ASXL2: variants seen among roughly 807,000 people sequenced by gnomAD.
ASXL2 encodes the protein ASXL transcriptional regulator 2, also known as putative Polycomb group protein ASXL2.
Under a neutral mutation model 122.0 loss-of-function variants are expected in ASXL2, and 23 were observed. The ratio of observed to expected loss-of-function variants is 0.19; its 90% CI spans 0.14 to 0.27. The LOEUF (loss-of-function observed/expected upper bound fraction) is 0.27. ASXL2 is among the 10% of genes least tolerant of loss of function. The pLI, the probability that ASXL2 is intolerant of heterozygous loss-of-function variation, is 1.00. For missense variants in ASXL2, 1,518 were observed against 1,713.8 expected (o/e 0.89, Z 2.02); for synonymous variants, 650 against 637.0 (o/e 1.02, Z -0.31).
At chr2:25,766,708 TCAGTATTTA>T (rs990468753) in intron 8 of ASXL2, among the ~76,000 whole-genome samples, 18 of 152,178 alleles carry the variant, frequency 1.2e-4, no homozygotes, top group South Asian at 6.2e-4. Flanking sequence ...GAATCCCTAT[TCAGTATTTA>T]CAGTATTTAC....
chr2:25,742,493 T>C lies in ASXL2; in HGVS notation c.3844A>G (p.Ile1282Val). The C allele has an allele frequency of 6.2e-7, 1 of 1,613,902 alleles. No homozygotes were observed. Among genetic ancestry groups the C allele is most frequent in the Non-Finnish European group, 8.5e-7 (1 of 1,179,868 alleles). ...CTGAAAAGCTCGGGGCTGCTACGGA[T>C]TGCCTTACCTCTCACTGCATGAGCC... is the stretch of plus-strand genomic sequence containing the variant. ...QMAHAVRGKA[I>V]RSSPELFSST... Residue 1282 changes from isoleucine to valine, a missense_variant, in exon 13 of 13, where the codon ATC becomes GTC. Ile to Val is a conservative substitution (Grantham distance 29). This residue lies in a region of ASXL2 where 831 missense variants were observed against 833.1 expected (regional missense o/e 1.00). Coordinates refer to ENST00000435504, the MANE Select transcript of ASXL2 (RefSeq NM_018263.6).
At chr2:25,827,979 A>T (rs1183089366) in intron 3 of ASXL2, among the ~76,000 whole-genome samples, 2 of 152,122 alleles carry the variant, frequency 1.3e-5, no homozygotes, top group African/African-American at 4.8e-5. Context: ...TTCCACTAAC[A>T]TCTTCTAAAA....
rs370279270 is a variant in ASXL2 at position 25,741,862 on chromosome 2, C to A, written c.*167G>T. 1.5e-6 allele frequency: 1 copy of A among 676,138 alleles called. No individual in the cohort carries two copies. Among genetic ancestry groups the A allele is most frequent in the East Asian group, 2.7e-5 (1 of 36,480 alleles). 41.9% of individuals were successfully genotyped at this position (676,138 alleles called of 1,614,324 possible). Reference sequence around the variant, plus strand: ...ACTTACTATACAAGGTGCTCTTCCTCTAAAATGTAAAAAATCTGTACTTTG... The same window carrying A: ...ACTTACTATACAAGGTGCTCTTCCTATAAAATGTAAAAAATCTGTACTTTG... On this transcript the variant is annotated 3_prime_UTR_variant, in exon 13 of 13. Transcript: ENST00000435504.
intron 1 of ASXL2, among the ~76,000 whole-genome samples, chr2:25,869,897 G>A (rs181055292): frequency 1.0e-4 from 15 of 145,652 alleles, no homozygotes; most frequent in Admixed American, 1.4e-4. Flanking sequence ...GGTATATCCA[G>A]TAACAATGAA....
chr2:25,794,124 G>GAGT (rs1482674044), intron 5 of ASXL2, among the ~76,000 whole-genome samples: 29 of 152,118 alleles, frequency 1.9e-4, no homozygotes, highest in South Asian at 4.1e-4. Context: ...TAGGTTTATG[G>GAGT]TATTTTAAAT....
chr2:25,757,326 T>C (rs1166320398), intron 9 of ASXL2, among the ~76,000 whole-genome samples: 3 of 151,952 alleles, frequency 2.0e-5, no homozygotes, highest in African/African-American at 7.3e-5. Flanking sequence ...TGGAAAAGAC[T>C]AGCCAAGTAA....
chr2:25,805,965 C>T (rs1018273887), intron 4 of ASXL2, among the ~76,000 whole-genome samples: 3 of 152,152 alleles, frequency 2.0e-5, no homozygotes, highest in African/African-American at 7.2e-5. Flanking sequence ...GCGTGAGCCA[C>T]CACGCCTGGC....
intron 3 of ASXL2, chr2:25,810,013 G>C: frequency 1.8e-6 from 1 of 543,502 alleles, no homozygotes; most frequent in Non-Finnish European, 3.6e-6. Flanking sequence ...TATCTTCCAA[G>C]TCATCAGTTG....
intron 4 of ASXL2, among the ~76,000 whole-genome samples, chr2:25,801,049 C>T (rs1212336044): frequency 6.6e-6 from 1 of 152,148 alleles, no homozygotes; most frequent in Non-Finnish European, 1.5e-5. Flanking sequence ...ACCTCAGCCT[C>T]TGGAGCAGCT....
chr2:25,763,778 A>G (rs2088293659), intron 8 of ASXL2, among the ~76,000 whole-genome samples: 1 of 152,178 alleles, frequency 6.6e-6, no homozygotes, highest in Non-Finnish European at 1.5e-5. Flanking sequence ...TTCACAGATG[A>G]AGAAAGTGAG....
intron 1 of ASXL2, chr2:25,856,795 G>C: frequency 2.4e-6 from 3 of 1,254,236 alleles, no homozygotes; most frequent in Non-Finnish European, 1.2e-6. Flanking sequence ...ATCCTCTTGG[G>C]GTTGGTGACT....
At chr2:25,776,945 T>A (rs940045371) in intron 5 of ASXL2, among the ~76,000 whole-genome samples, 3 of 152,184 alleles carry the variant, frequency 2.0e-5, no homozygotes, top group Non-Finnish European at 2.9e-5. Context: ...ACACCCTTTT[T>A]AACAAATTAA....
At chr2:25,808,478 C>T (rs971349067) in intron 3 of ASXL2, among the ~76,000 whole-genome samples, 4 of 152,052 alleles carry the variant, frequency 2.6e-5, no homozygotes, top group Non-Finnish European at 4.4e-5. Context: ...ATTGCAGATG[C>T]CTGCCACCAC....
intron 5 of ASXL2, among the ~76,000 whole-genome samples, chr2:25,772,929 C>T (rs1301456025): frequency 1.3e-5 from 2 of 152,070 alleles, no homozygotes; most frequent in Non-Finnish European, 2.9e-5. Flanking sequence ...GATGACTTGG[C>T]CGGGCGTGGT....
At chr2:25,830,470 A>ACAAAAAGTAGCTGGG (rs747869880) in intron 3 of ASXL2, among the ~76,000 whole-genome samples, 2 of 152,114 alleles carry the variant, frequency 1.3e-5, no homozygotes, top group Non-Finnish European at 1.5e-5. Flanking sequence ...CGTCTCTAGT[A>ACAAAAAGTAGCTGGG]CAAAAAGTAG....
intron 11 of ASXL2, among the ~76,000 whole-genome samples, chr2:25,753,204 AG>A (rs1046332485): frequency 9.7e-4 from 147 of 151,122 alleles, no homozygotes; most frequent in Non-Finnish European, 6.0e-4. Context: ...TCCTGACCTC[AG>A]GAGTTCGCCT....
chr2:25,870,476 AT>A (rs1203882850), intron 1 of ASXL2, among the ~76,000 whole-genome samples: 1 of 152,168 alleles, frequency 6.6e-6, no homozygotes, highest in Non-Finnish European at 1.5e-5. Flanking sequence ...GTGAGCCAAG[AT>A]TGCGCCACTG....
intron 2 of ASXL2, among the ~76,000 whole-genome samples, chr2:25,842,448 C>T (rs1421309748): frequency 1.3e-5 from 2 of 151,954 alleles, no homozygotes; most frequent in African/African-American, 4.8e-5. Context: ...TTTTTTCCTG[C>T]TGTTTTTGTT....
chr2:25,795,996 A>T (rs1347302458), intron 5 of ASXL2, among the ~76,000 whole-genome samples: 4 of 152,102 alleles, frequency 2.6e-5, no homozygotes, highest in Admixed American at 2.6e-4. Context: ...CTTTCATTCC[A>T]TTTATTCCTA....
Sources: allele counts gnomAD v4.1 joint callset (sites outside exome capture counted in the v4.1 genomes callset), GRCh38; gene constraint gnomAD v4.1.1; regional missense constraint gnomAD v4.1.1; transcripts MANE v1.5; gene names NCBI Gene and HGNC (gene_info 2026-07-23, HGNC 2026-07-21).